The following KATNAL1 variants were observed in gnomAD, a reference collection of about 807,000 sequenced individuals.
KATNAL1 encodes the protein katanin catalytic subunit A1 like 1, also known as katanin p60 ATPase-containing subunit A-like 1.
Under a neutral mutation model 55.2 loss-of-function variants are expected in KATNAL1, and 32 were observed. The ratio of observed to expected loss-of-function variants is 0.58; its 90% CI spans 0.44 to 0.78. KATNAL1 has a LOEUF of 0.78. Ranked by LOEUF, KATNAL1 falls within the 30% of genes least tolerant of loss-of-function variation. The probability of loss-of-function intolerance (pLI) is 0.00; values close to 1 mark genes in which losing one functional copy is unlikely to be tolerated. For synonymous variants in KATNAL1, 193 were observed against 193.6 expected, an observed-to-expected ratio of 1.00 and a Z score of 0.02; for missense variants, 466 against 600.9, an observed-to-expected ratio of 0.78 and a Z score of 2.35.
chr13:30,241,969 G>A (rs561519897), intron 4 of KATNAL1, among the ~76,000 whole-genome samples: 11 of 152,208 alleles, frequency 7.2e-5, no homozygotes, highest in South Asian at 2.1e-4. Flanking sequence ...AAATTTTCCC[G>A]AAGATTCTTG....
chr13:30,277,395 C>T (rs910997210), intron 3 of KATNAL1, among the ~76,000 whole-genome samples: 1 of 152,124 alleles, frequency 6.6e-6, no homozygotes, highest in Non-Finnish European at 1.5e-5. Flanking sequence ...AAATAGCTTG[C>T]TCAAGGTCAC....
At chr13:30,277,227 C>G (rs1880908453) in intron 3 of KATNAL1, among the ~76,000 whole-genome samples, 1 of 152,154 alleles carries the variant, frequency 6.6e-6, no homozygotes, top group African/African-American at 2.4e-5. Flanking sequence ...GTTATTCTTG[C>G]TATTTCTCTG....
At chr13:30,231,806 T>C (rs1169937343) in intron 6 of KATNAL1, among the ~76,000 whole-genome samples, 2 of 152,214 alleles carry the variant, frequency 1.3e-5, no homozygotes, top group African/African-American at 2.4e-5. Flanking sequence ...TAAAAGCAAC[T>C]GTTCTGTTTA....
chr13:30,297,479 C>T (rs530119556), intron 1 of KATNAL1, among the ~76,000 whole-genome samples: 3 of 152,274 alleles, frequency 2.0e-5, no homozygotes, highest in African/African-American at 4.8e-5. Context: ...GAACTTAAAA[C>T]GGAACTACCA....
At chr13:30,270,512 G>A (rs1348298544) in intron 3 of KATNAL1, among the ~76,000 whole-genome samples, 2 of 152,186 alleles carry the variant, frequency 1.3e-5, no homozygotes, top group East Asian at 1.9e-4. Context: ...TTGAGAAATC[G>A]GATGGTTGCC....
chr13:30,287,624 CCA>C (rs1215486857), intron 1 of KATNAL1, among the ~76,000 whole-genome samples: 1 of 152,162 alleles, frequency 6.6e-6, no homozygotes, highest in African/African-American at 2.4e-5. Flanking sequence ...TACAGGACAA[CCA>C]CACAAAGTGT....
At chr13:30,283,878 T>G in intron 1 of KATNAL1, 87 bp from the exon 2 acceptor site, 1 of 168,044 alleles carries the variant, frequency 6.0e-6, no homozygotes, top group South Asian at 1.8e-4. Context: ...TTAAAACTAC[T>G]TTTTTTTTTT....
chr13:30,284,509 C>G (rs941246517), intron 1 of KATNAL1, among the ~76,000 whole-genome samples: 1 of 151,990 alleles, frequency 6.6e-6, no homozygotes, highest in South Asian at 2.1e-4. Context: ...AACTAGTTAT[C>G]ACTAAAACTT....
At chr13:30,267,469 A>G (rs932118577) in intron 3 of KATNAL1, among the ~76,000 whole-genome samples, 3 of 152,254 alleles carry the variant, frequency 2.0e-5, no homozygotes, top group African/African-American at 7.2e-5. Flanking sequence ...CTGAATGTAC[A>G]TACATATTTT....
At chr13:30,247,919 C>T (rs139942063) in intron 4 of KATNAL1, among the ~76,000 whole-genome samples, 259 of 152,214 alleles carry the variant, frequency 1.7e-3, no homozygotes, top group African/African-American at 5.9e-3. Flanking sequence ...GTGGTAGAGT[C>T]TGAGAGAGGA....
At chr13:30,278,457 G>C (rs1360184769) in intron 3 of KATNAL1, among the ~76,000 whole-genome samples, 1 of 152,162 alleles carries the variant, frequency 6.6e-6, no homozygotes, top group Non-Finnish European at 1.5e-5. Flanking sequence ...AGTTAAGAAA[G>C]GACAAAGAAA....
intron 1 of KATNAL1, among the ~76,000 whole-genome samples, chr13:30,305,791 C>G (rs561508368): frequency 1.3e-5 from 2 of 151,644 alleles, no homozygotes; most frequent in Admixed American, 6.6e-5. Context: ...ATGCAGGATA[C>G]AGACTATCTT....
At chr13:30,302,441 G>GAA (rs34935225) in intron 1 of KATNAL1, among the ~76,000 whole-genome samples, 22 of 148,050 alleles carry the variant, frequency 1.5e-4, no homozygotes, top group South Asian at 1.3e-3. Context: ...AAGTAGGTCA[G>GAA]AAAAAAAAAA....
intron 3 of KATNAL1, among the ~76,000 whole-genome samples, chr13:30,260,816 C>A (rs1386561104): frequency 6.8e-6 from 1 of 147,822 alleles, no homozygotes; most frequent in Non-Finnish European, 1.5e-5. Flanking sequence ...TCCAGGAGAA[C>A]TTCCCCAATC....
intron 3 of KATNAL1, among the ~76,000 whole-genome samples, chr13:30,271,878 GAAA>G (rs71299873): frequency 1.2e-3 from 92 of 76,780 alleles, no homozygotes; most frequent in Middle Eastern, 9.6e-3. Context: ...AAGAAAAGAG[GAAA>G]AAAAAAAAAA....
At chr13:30,294,982 C>T (rs1239956932) in intron 1 of KATNAL1, among the ~76,000 whole-genome samples, 1 of 152,138 alleles carries the variant, frequency 6.6e-6, no homozygotes, top group Non-Finnish European at 1.5e-5. Context: ...AGAGCTATGG[C>T]TCAGAAAAAA....
chr13:30,275,183 C>T (rs993192487), intron 3 of KATNAL1, among the ~76,000 whole-genome samples: 12 of 152,178 alleles, frequency 7.9e-5, no homozygotes, highest in African/African-American at 2.7e-4. Context: ...ACAACACCAA[C>T]ATCTGCTTGG....
chr13:30,215,980 T>C (rs1874188095), intron 9 of KATNAL1, among the ~76,000 whole-genome samples: 1 of 152,132 alleles, frequency 6.6e-6, no homozygotes, highest in South Asian at 2.1e-4. Context: ...AGCCACCCAA[T>C]CTTTGATATT....
intron 4 of KATNAL1, among the ~76,000 whole-genome samples, chr13:30,244,777 G>C (rs896548817): frequency 6.6e-6 from 1 of 152,018 alleles, no homozygotes; most frequent in South Asian, 2.1e-4. Context: ...ACACCTCTAC[G>C]CAAATAAACC....
Sources: allele counts gnomAD v4.1 joint callset (sites outside exome capture counted in the v4.1 genomes callset), GRCh38; gene constraint gnomAD v4.1.1; transcripts MANE v1.5; gene names NCBI Gene and HGNC (gene_info 2026-07-23, HGNC 2026-07-21).